COL25A1: variants seen among roughly 807,000 people sequenced by gnomAD.
The protein encoded by COL25A1 is collagen alpha-1(XXV) chain.
A neutral mutation model predicts 128.4 loss-of-function variants in COL25A1; 103 were observed. The ratio of observed to expected loss-of-function variants is 0.80; its 90% CI spans 0.68 to 0.94. The LOEUF is 0.94. Ranked by LOEUF, COL25A1 falls within the 40% of genes least tolerant of loss-of-function variation. The pLI is 0.00. For synonymous variants in COL25A1, 279 were observed against 277.2 expected (o/e 1.01, Z -0.06); for missense variants, 745 against 840.0 (o/e 0.89, Z 1.40).
intron 3 of COL25A1, among the ~76,000 whole-genome samples, chr4:109,065,146 T>C (rs1327749771): frequency 1.3e-5 from 2 of 152,072 alleles, no homozygotes; most frequent in African/African-American, 2.4e-5. Context: ...TCCAAAGGGA[T>C]TGAGGAGGGG....
At chr4:108,841,787 T>C in intron 30 of COL25A1, 66 bp from the exon 31 acceptor site, 5 of 1,218,978 alleles carry the variant, frequency 4.1e-6, no homozygotes, top group Non-Finnish European at 4.9e-6. Flanking sequence ...GAGTGAATAT[T>C]ATATCACATA....
At position 108,913,261 on chromosome 4, in the gene COL25A1, CT is replaced by C. The variant is rs201929872; in HGVS notation, c.780+4910del. 3.6e-3 allele frequency among the ~76,000 whole-genome samples: 331 copies of C among 92,414 alleles called. 2 individuals carry two copies. The highest frequency in any genetic ancestry group is 9.8e-3 in the African/African-American group (279 of 28,570). The allele number at this position is 92,414 out of a possible 152,430, so 60.6% of individuals were successfully genotyped here. On this transcript the variant is annotated intron_variant, in intron 13 of 37. Coordinates refer to ENST00000399132, the MANE Select transcript of COL25A1 (RefSeq NM_198721.4). ...TTTGTGTGGTCTCTGTCTCTAGCTC[CT>C]TTTTTTTTTTTTTTTTTTTTTAAGA...
At chr4:109,164,158 A>G (rs1048098008) in intron 3 of COL25A1, among the ~76,000 whole-genome samples, 3 of 152,154 alleles carry the variant, frequency 2.0e-5, no homozygotes, top group Non-Finnish European at 4.4e-5. Context: ...TGGCTTGTGC[A>G]CACAATGGAA....
At chr4:109,044,510 T>C (rs1161844101) in intron 5 of COL25A1, among the ~76,000 whole-genome samples, 4 of 152,134 alleles carry the variant, frequency 2.6e-5, no homozygotes, top group East Asian at 1.9e-4. Flanking sequence ...TCTTGCACTA[T>C]TGGAGCACAT....
intron 8 of COL25A1, among the ~76,000 whole-genome samples, chr4:108,943,607 T>C (rs1273219829): frequency 6.6e-6 from 1 of 152,180 alleles, no homozygotes; most frequent in Non-Finnish European, 1.5e-5. Flanking sequence ...CCAAAAGAAC[T>C]TGACAGTTCA....
At chr4:108,901,093 T>C in intron 14 of COL25A1, 26 bp downstream of exon 14, 1 of 1,572,520 alleles carries the variant, frequency 6.4e-7, no homozygotes, top group Non-Finnish European at 8.7e-7. Flanking sequence ...TGTCAAATGA[T>C]TCTGCTTGGC....
intron 5 of COL25A1, among the ~76,000 whole-genome samples, chr4:109,020,509 G>A (rs1288618225): frequency 0.051 from 659 of 12,910 alleles, 8 homozygotes; most frequent in African/African-American, 0.17. Flanking sequence ...ATTATTATGG[G>A]GGGGGGGGGG....
intron 3 of COL25A1, among the ~76,000 whole-genome samples, chr4:109,104,751 A>T (rs3113706): frequency 6.6e-6 from 1 of 152,324 alleles, no homozygotes; most frequent in African/African-American, 2.4e-5. Flanking sequence ...GCAACCTATA[A>T]ATTAAAGGAA....
At chr4:109,092,757 A>C (rs1357511157) in intron 3 of COL25A1, among the ~76,000 whole-genome samples, 1 of 152,164 alleles carries the variant, frequency 6.6e-6, no homozygotes, top group Non-Finnish European at 1.5e-5. Flanking sequence ...CCCTATATGC[A>C]TACTTACCTT....
chr4:109,006,535 C>G (rs1756025789), intron 6 of COL25A1, among the ~76,000 whole-genome samples: 1 of 151,688 alleles, frequency 6.6e-6, no homozygotes, highest in Non-Finnish European at 1.5e-5. Flanking sequence ...CCACCGTGTT[C>G]AGTCTCTAAT....
At chr4:109,016,789 C>T (rs558170515) in intron 5 of COL25A1, among the ~76,000 whole-genome samples, 17 of 152,270 alleles carry the variant, frequency 1.1e-4, no homozygotes, top group African/African-American at 3.1e-4. Flanking sequence ...AAGGAGCTAC[C>T]ACTCTGGGTC....
rs575868328 is a variant in COL25A1 at position 108,984,489 on chromosome 4, G to A, written c.439-9930C>T. Among the ~76,000 whole-genome samples the A allele has an allele frequency of 2.6e-5, 4 of 152,286 alleles. No individual in the cohort carries two copies. In the East Asian group the frequency reaches 5.8e-4, roughly 22 times the overall value. Reference sequence around the variant, plus strand: ...CGCCGCACAGGAGACCATGAGGGGGGCGGGAGGGAGGCTCACGCATGGCGG... The same window carrying A: ...CGCCGCACAGGAGACCATGAGGGGGACGGGAGGGAGGCTCACGCATGGCGG... On this transcript the variant is annotated intron_variant, in intron 6 of 37. Transcript: ENST00000399132.
At chr4:109,211,312 A>G (rs1484723246) in intron 3 of COL25A1, among the ~76,000 whole-genome samples, 18 of 93,002 alleles carry the variant, frequency 1.9e-4, no homozygotes, top group African/African-American at 8.8e-4. Flanking sequence ...ATATATATAT[A>G]TATATATATA....
At chr4:109,148,368 GT>G (rs1771153751) in intron 3 of COL25A1, among the ~76,000 whole-genome samples, 1 of 152,096 alleles carries the variant, frequency 6.6e-6, no homozygotes. Context: ...AATTCCAAGG[GT>G]TACCTAACAT....
intron 3 of COL25A1, among the ~76,000 whole-genome samples, chr4:109,092,125 A>G (rs762507455): frequency 2.9e-4 from 44 of 152,308 alleles, no homozygotes; most frequent in Admixed American, 1.8e-3. Flanking sequence ...TCTGCGACCC[A>G]GGGAAAGTGA....
chr4:109,037,565 A>G (rs1354641513), intron 5 of COL25A1, among the ~76,000 whole-genome samples: 2 of 152,240 alleles, frequency 1.3e-5, no homozygotes, highest in Non-Finnish European at 2.9e-5. Flanking sequence ...CCAGTTTACC[A>G]GGAATGTTTC....
Position 109,302,054 on chromosome 4 carries a change from A to G in COL25A1, c.-35T>C. The G allele has an allele frequency of 2.6e-6, 4 of 1,537,092 alleles. No individual in the cohort carries two copies. The highest frequency in any genetic ancestry group is 2.3e-5 in the East Asian group (1 of 44,220). On this transcript the variant is annotated 5_prime_UTR_variant, in exon 2 of 38. Coordinates refer to ENST00000399132, the MANE Select transcript of COL25A1 (RefSeq NM_198721.4). Reference sequence around the variant, plus strand: ...GTCGGCCGTCTCGGCTTCGCTTCCCACCCTCTACACCTCAAATAATCCTAA... The same window carrying G: ...GTCGGCCGTCTCGGCTTCGCTTCCCGCCCTCTACACCTCAAATAATCCTAA...
At chr4:109,171,635 GTCTT>G (rs1773598264) in intron 3 of COL25A1, among the ~76,000 whole-genome samples, 1 of 152,274 alleles carries the variant, frequency 6.6e-6, no homozygotes, top group East Asian at 1.9e-4. Context: ...ACAGTTATTT[GTCTT>G]TCTCAGAGCT....
intron 12 of COL25A1, 100 bp from the exon 13 acceptor site, chr4:108,918,316 C>G: frequency 2.6e-6 from 2 of 775,306 alleles, no homozygotes; most frequent in Non-Finnish European, 4.0e-6. Context: ...TAAAACATTT[C>G]TAGGAAGTCT....
Sources: allele counts gnomAD v4.1 joint callset (sites outside exome capture counted in the v4.1 genomes callset), GRCh38; gene constraint gnomAD v4.1.1; transcripts MANE v1.5; gene names NCBI Gene and HGNC (gene_info 2026-07-23, HGNC 2026-07-21).